The following RIMBP2 variants were observed in gnomAD, a reference collection of about 807,000 sequenced individuals.
RIMBP2 encodes RIMS binding protein 2, also known as RIMS-binding protein 2.
In RIMBP2, 48 loss-of-function variants were observed where a neutral mutation model predicts 118.6. The ratio of observed to expected loss-of-function variants is 0.40; its 90% confidence interval spans 0.32 to 0.51. The LOEUF (loss-of-function observed/expected upper bound fraction) is 0.51, where lower values mean the gene tolerates loss of function less well. Among genes scored for constraint, RIMBP2 ranks in the 20% least tolerant of loss-of-function variants. RIMBP2 has a pLI of 0.41. For missense variants in RIMBP2, 1,551 were observed against 1,768.3 expected (o/e 0.88, Z 2.20); for synonymous variants, 762 against 742.9 (o/e 1.03, Z -0.42).
chr12:130,403,799 C>T (rs1407939157), intron 21 of RIMBP2, among the ~76,000 whole-genome samples: 7 of 152,084 alleles, frequency 4.6e-5, no homozygotes, highest in African/African-American at 1.7e-4. Context: ...AATATAATTT[C>T]TGAATAAAAT....
intron 7 of RIMBP2, among the ~76,000 whole-genome samples, chr12:130,454,040 C>T (rs925388003): frequency 1.3e-5 from 2 of 151,970 alleles, no homozygotes; most frequent in African/African-American, 2.4e-5. Flanking sequence ...GGCGACAGAG[C>T]GAGACTCCAA....
In RIMBP2 at chr12:130,531,873, T is replaced by A. The variant is rs1172172986; in HGVS notation, c.-216-13956A>T. On this transcript the variant is annotated intron_variant, in intron 2 of 22. Coordinates refer to ENST00000690449, the MANE Select transcript of RIMBP2 (RefSeq NM_001393629.1). ...GATGCGTATGTTTAGCCTCTAGGAG[T>A]TACGTCTAATGAGATGCGTATGTTT... 2.4e-5 allele frequency among the ~76,000 whole-genome samples: 3 copies of A among 123,108 alleles called. No homozygotes were observed. In the South Asian group the frequency reaches 8.0e-4, roughly 33 times the overall value. The allele number at this position is 123,108 out of a possible 152,430, so 80.8% of individuals were successfully genotyped here.
intron 21 of RIMBP2, among the ~76,000 whole-genome samples, chr12:130,405,881 G>A (rs1038317583): frequency 6.6e-6 from 1 of 152,072 alleles, no homozygotes; most frequent in African/African-American, 2.4e-5. Context: ...ATGTTTGGGT[G>A]GCAGCAATTT....
chr12:130,601,170 G>C (rs2059854529), intron 2 of RIMBP2, among the ~76,000 whole-genome samples: 1 of 152,038 alleles, frequency 6.6e-6, no homozygotes, highest in African/African-American at 2.4e-5. Context: ...TTCTCTGTGT[G>C]ATTTAACCAA....
At chr12:130,634,610 C>G (rs953401172) in intron 1 of RIMBP2, among the ~76,000 whole-genome samples, 2 of 143,860 alleles carry the variant, frequency 1.4e-5, no homozygotes, top group African/African-American at 2.6e-5. Flanking sequence ...TTTTTTTTTC[C>G]AGACAAGGTC....
At position 130,670,425 on chromosome 12, in the gene RIMBP2, C is replaced by G. The variant is rs1207562675; in HGVS notation, c.-351-41969G>C. 6.6e-6 allele frequency among the ~76,000 whole-genome samples: 1 copy of G among 152,184 alleles called. No homozygotes were observed. The highest frequency in any genetic ancestry group is 1.9e-4 in the East Asian group (1 of 5,186). ...CAGTAGTCATGTGGGTTCTCATGAA[C>G]ACGCCAGCCCTGCTCTCTCTCCTAG... On this transcript the variant is annotated intron_variant, in intron 1 of 22. Coordinates refer to ENST00000690449, the MANE Select transcript of RIMBP2 (RefSeq NM_001393629.1). The surrounding 1 kb of genome is among the most constrained non-coding windows in gnomAD (Gnocchi z 4.9).
chr12:130,630,262 C>T (rs568077371), intron 1 of RIMBP2, among the ~76,000 whole-genome samples: 2 of 151,454 alleles, frequency 1.3e-5, no homozygotes, highest in East Asian at 1.9e-4. Context: ...CTGACTGATG[C>T]CCAGCCAACT....
intron 4 of RIMBP2, among the ~76,000 whole-genome samples, chr12:130,494,079 T>C (rs938970746): frequency 1.3e-5 from 2 of 152,154 alleles, no homozygotes; most frequent in Non-Finnish European, 2.9e-5. Context: ...TTGTGATGCA[T>C]GGGTAAACTG....
chr12:130,486,585 C>G (rs2082501698), intron 4 of RIMBP2, among the ~76,000 whole-genome samples: 1 of 151,898 alleles, frequency 6.6e-6, no homozygotes, highest in African/African-American at 2.4e-5. Flanking sequence ...AAACAAGTTC[C>G]CTCCCCAAGC....
At chr12:130,636,112 C>T (rs539384021) in intron 1 of RIMBP2, among the ~76,000 whole-genome samples, 4 of 152,308 alleles carry the variant, frequency 2.6e-5, no homozygotes, top group South Asian at 2.1e-4. Context: ...AGATCTCAAA[C>T]GGAGTCTTTG....
At chr12:130,616,643 G>T (rs1168181722) in intron 2 of RIMBP2, among the ~76,000 whole-genome samples, 1 of 152,202 alleles carries the variant, frequency 6.6e-6, no homozygotes, top group Non-Finnish European at 1.5e-5. Context: ...TGAGATAGAG[G>T]TTACGGAATC....
intron 2 of RIMBP2, among the ~76,000 whole-genome samples, chr12:130,567,980 T>C (rs1355882726): frequency 2.6e-5 from 4 of 151,982 alleles, no homozygotes; most frequent in Non-Finnish European, 5.9e-5. Flanking sequence ...GAACATCACC[T>C]GCCATGCACC....
At position 130,434,341 on chromosome 12, in the gene RIMBP2, G is replaced by A. The variant is rs184653347; in HGVS notation, c.2253+393C>T. ...ACGAACACTGACTGTGTTATTTTTG[G>A]CTCCCATGATGCCTCCCTAGCACAC... On this transcript the variant is annotated intron_variant, in intron 14 of 22. Coordinates refer to ENST00000690449, the MANE Select transcript of RIMBP2 (RefSeq NM_001393629.1). The surrounding 1 kb of genome is among the most constrained non-coding windows in gnomAD (Gnocchi z 5.7). Among the ~76,000 whole-genome samples the A allele has an allele frequency of 1.2e-4, 19 of 152,136 alleles. No individual in the cohort carries two copies. Among genetic ancestry groups the A allele is most frequent in the African/African-American group, 4.6e-4 (19 of 41,504 alleles).
intron 11 of RIMBP2, among the ~76,000 whole-genome samples, chr12:130,441,246 C>CA (rs2078096838): frequency 1.3e-5 from 2 of 151,694 alleles, no homozygotes; most frequent in African/African-American, 2.4e-5. Context: ...ACTAAAAATA[C>CA]AAAAATTAGC....
At chr12:130,417,685 C>T (rs1399179047) in intron 17 of RIMBP2, among the ~76,000 whole-genome samples, 1 of 152,212 alleles carries the variant, frequency 6.6e-6, no homozygotes, top group Non-Finnish European at 1.5e-5. Context: ...CTGCACTATA[C>T]CCATGTAACA....
intron 11 of RIMBP2, among the ~76,000 whole-genome samples, chr12:130,439,402 T>TACC (rs2077845178): frequency 2.7e-5 from 4 of 150,392 alleles, no homozygotes; most frequent in Non-Finnish European, 4.4e-5. Context: ...TGCATGTGTA[T>TACC]GTATATATGT....
chr12:130,416,380 C>G (rs182829678), intron 17 of RIMBP2, among the ~76,000 whole-genome samples: 138 of 152,256 alleles, frequency 9.1e-4, no homozygotes, highest in African/African-American at 3.0e-3. Flanking sequence ...AACAGACACA[C>G]AGACTAATGG....
intron 1 of RIMBP2, among the ~76,000 whole-genome samples, chr12:130,707,709 G>C (rs1301675568): frequency 6.6e-6 from 1 of 152,180 alleles, no homozygotes; most frequent in Admixed American, 6.5e-5. Flanking sequence ...GACACAGGAG[G>C]CCTGGGGGCG....
chr12:130,500,067 C>T (rs1186184107), intron 4 of RIMBP2, among the ~76,000 whole-genome samples: 1 of 152,176 alleles, frequency 6.6e-6, no homozygotes, highest in Non-Finnish European at 1.5e-5. Context: ...TAAACAAATC[C>T]ATTTCCCTTT....
Sources: allele counts gnomAD v4.1 joint callset (sites outside exome capture counted in the v4.1 genomes callset), GRCh38; gene constraint gnomAD v4.1.1; non-coding constraint Gnocchi (gnomAD v3.1); transcripts MANE v1.5; gene names NCBI Gene and HGNC (gene_info 2026-07-23, HGNC 2026-07-21).